The following CEBPZOS variants were observed in gnomAD, a reference collection of about 807,000 sequenced individuals.
CEBPZOS encodes the protein protein CEBPZOS.
Under a neutral mutation model 4.8 loss-of-function variants are expected in CEBPZOS, and 10 were observed. The observed-to-expected ratio is 2.07, with a 90% CI of 1.28 to 3.52. CEBPZOS has a LOEUF of 3.52. CEBPZOS is among the 30% of genes most tolerant of loss of function. The probability of loss-of-function intolerance (pLI) is 0.00; values close to 1 mark genes in which losing one functional copy is unlikely to be tolerated. For missense variants in CEBPZOS, 98 were observed against 43.6 expected (o/e 2.25, Z -3.51); for synonymous variants, 25 against 14.2 (o/e 1.77, Z -1.72).
intron 4 of CEBPZOS, chr2:37,212,225 T>TAAG (rs1677743320): frequency 4.6e-6 from 5 of 1,084,350 alleles, no homozygotes; most frequent in Non-Finnish European, 6.9e-6. Flanking sequence ...TTCCCAAACT[T>TAAG]ACTTGACTAC....
chr2:37,201,060 CAATG>C lies in CEBPZOS; in HGVS notation c.130_133del (p.Met44AlafsTer26). On this transcript the variant is annotated frameshift_variant, in exon 3 of 5. Transcript: ENST00000402297. LOFTEE classifies it high-confidence loss of function. ...TTTTTTCCATCAGATTTCAGGCAAA[CAATG>C]AGCAAGAAATATCCCTTCATCTTGG... The C allele has an allele frequency of 1.4e-6, 1 of 716,170 alleles. No homozygotes were observed. The highest frequency in any genetic ancestry group is 2.6e-6 in the Non-Finnish European group (1 of 384,702). 44.4% of individuals were successfully genotyped at this position (716,170 alleles called of 1,614,324 possible). A position where few individuals can be genotyped will look rare whatever the true frequency, so the allele number is the denominator to read the frequency against.
At chr2:37,200,520 T>G (rs1395778646) in intron 2 of CEBPZOS, among the ~76,000 whole-genome samples, 1 of 152,112 alleles carries the variant, frequency 6.6e-6, no homozygotes, top group Non-Finnish European at 1.5e-5. Context: ...TAAAAACAAA[T>G]TAAAGCTTGG....
chr2:37,197,995 A>C (rs561680441), intron 1 of CEBPZOS, among the ~76,000 whole-genome samples: 2 of 152,098 alleles, frequency 1.3e-5, no homozygotes, highest in African/African-American at 4.8e-5. Flanking sequence ...ATCCGTCTCT[A>C]CTAAAATACA....
At position 37,201,097 on chromosome 2, in the gene CEBPZOS, G is replaced by T; in HGVS notation, c.160+5G>T. ...AATATCCCTTCATCTTGGAAGGTAT[G>T]TTTTTCCTTAAGTAAAAATAAGTAT... On this transcript the variant is annotated splice_donor_5th_base_variant and intron_variant, in intron 3 of 4. Transcript: ENST00000402297. The T allele has an allele frequency of 1.4e-6, 1 of 714,178 alleles. No individual in the cohort carries two copies. The highest frequency in any genetic ancestry group is 1.5e-5 in the South Asian group (1 of 66,364). The allele number at this position is 714,178 out of a possible 1,614,324, so 44.2% of individuals were successfully genotyped here.
At chr2:37,198,964 G>A (rs762487819) in intron 1 of CEBPZOS, among the ~76,000 whole-genome samples, 2 of 151,782 alleles carry the variant, frequency 1.3e-5, no homozygotes, top group East Asian at 3.9e-4. Context: ...GACCAATCTG[G>A]GCAACATGGT....
rs1341400790 is a variant in CEBPZOS at position 37,199,704 on chromosome 2, G to T, written c.-1G>T. 4 of 716,282 alleles carry T rather than the reference G, an allele frequency of 5.6e-6. 1 individual carries two copies. Among genetic ancestry groups the T allele is most frequent in the South Asian group, 4.4e-5 (3 of 67,450 alleles). 44.4% of individuals were successfully genotyped at this position (716,282 alleles called of 1,614,324 possible). On this transcript the variant is annotated splice_region_variant and 5_prime_UTR_variant, in exon 2 of 5. Coordinates refer to ENST00000402297, the MANE Select transcript of CEBPZOS (RefSeq NM_001322374.2). Reference sequence around the variant, plus strand: ...TACACATATCTGTTGTTAAATTTAGGATGGCCCGTACTTTGGAACCACTAG... The same window carrying T: ...TACACATATCTGTTGTTAAATTTAGTATGGCCCGTACTTTGGAACCACTAG...
chr2:37,207,149 T>TA (rs895236521), downstream of CEBPZOS, among the ~76,000 whole-genome samples: 1 of 152,188 alleles, frequency 6.6e-6, no homozygotes, highest in Non-Finnish European at 1.5e-5. Flanking sequence ...TCCAAATTTA[T>TA]AAAACCATTA....
chr2:37,196,516 C>T lies in CEBPZOS; in HGVS notation c.-6C>T, dbSNP rs989774756. On this transcript the variant is annotated 5_prime_UTR_variant, in exon 1 of 5. Coordinates refer to ENST00000402297, the MANE Select transcript of CEBPZOS (RefSeq NM_001322374.2). ...CATGCGCAGTCCCCCTTGAACGCAC[C>T]TCAGGTAAGACTCTGGCGAGTGGCT... is the stretch of plus-strand genomic sequence containing the variant. The T allele has an allele frequency of 2.4e-4, 37 of 152,386 alleles. No individual in the cohort carries two copies. Among genetic ancestry groups the T allele is most frequent in the African/African-American group, 8.7e-4 (36 of 41,578 alleles). The allele number at this position is 152,386 out of a possible 1,614,324, so 9.4% of individuals were successfully genotyped here.
downstream of CEBPZOS, chr2:37,215,336 G>A (rs1473686575): frequency 6.4e-6 from 1 of 156,136 alleles, no homozygotes; most frequent in Non-Finnish European, 1.4e-5. Flanking sequence ...AAAATGACAA[G>A]CTTGCCATTA....
Position 37,201,942 on chromosome 2 carries a change from T to G in CEBPZOS, c.*82T>G. On this transcript the variant is annotated 3_prime_UTR_variant, in exon 5 of 5. Transcript: ENST00000402297. ...AGAAAAGATGAGTGTACTACCACAC[T>G]GTAGACTCTTGGTGGTCCCACAGAA... is the stretch of plus-strand genomic sequence containing the variant. 1 of 1,581,506 alleles carries G rather than the reference T, an allele frequency of 6.3e-7. No individual in the cohort carries two copies. The highest frequency in any genetic ancestry group is 8.6e-7 in the Non-Finnish European group (1 of 1,162,764).
chr2:37,200,703 G>T (rs1248823253), intron 2 of CEBPZOS, among the ~76,000 whole-genome samples: 1 of 151,666 alleles, frequency 6.6e-6, no homozygotes, highest in African/African-American at 2.4e-5. Flanking sequence ...TGCTCCTGTA[G>T]TCCCAGCTAC....
rs1677267658 is a variant in CEBPZOS, at chr2:37,201,984, A to C, written c.*124A>C. On this transcript the variant is annotated 3_prime_UTR_variant, in exon 5 of 5. Transcript: ENST00000402297. ...CCCACAGAACATGCTGCTGAGTCAC[A>C]GGAACTTCTAGCCTGCCTTGGCCTG... 1 of 1,362,708 alleles carries C rather than the reference A, an allele frequency of 7.3e-7. No homozygotes were observed. Among genetic ancestry groups the C allele is most frequent in the Non-Finnish European group, 1.0e-6 (1 of 992,208 alleles). 84.4% of individuals were successfully genotyped at this position (1,362,708 alleles called of 1,614,324 possible).
chr2:37,212,090 T>C, intron 4 of CEBPZOS: 3 of 1,501,350 alleles, frequency 2.0e-6, no homozygotes, highest in Non-Finnish European at 2.7e-6. Context: ...TTTTCTAAAG[T>C]AGTGTTTTGC....
At chr2:37,213,297 T>C (rs151076090) in intron 4 of CEBPZOS, 1 of 152,492 alleles carries the variant, frequency 6.6e-6, no homozygotes, top group African/African-American at 2.4e-5. Flanking sequence ...GCTGTAACAA[T>C]TGAATAGACT....
chr2:37,212,867 C>CA (rs749522819), intron 4 of CEBPZOS, among the ~76,000 whole-genome samples: 18,372 of 117,068 alleles, frequency 0.16, 1,387 homozygotes, highest in South Asian at 0.28. Context: ...ACAACAACAA[C>CA]AAAAAAAAAA....
At chr2:37,214,737 G>T, downstream of CEBPZOS, 1 of 485,968 alleles carries the variant, frequency 2.1e-6, no homozygotes, top group South Asian at 4.2e-5. Flanking sequence ...TTAAAACTAA[G>T]GCCACTTCTC....
In CEBPZOS at chr2:37,201,948, C is replaced by G; in HGVS notation, c.*88C>G. On this transcript the variant is annotated 3_prime_UTR_variant, in exon 5 of 5. Coordinates refer to ENST00000402297, the MANE Select transcript of CEBPZOS (RefSeq NM_001322374.2). ...GATGAGTGTACTACCACACTGTAGA[C>G]TCTTGGTGGTCCCACAGAACATGCT... The G allele has an allele frequency of 6.4e-7, 1 of 1,565,056 alleles. No homozygotes were observed. Among genetic ancestry groups the G allele is most frequent in the Non-Finnish European group, 8.7e-7 (1 of 1,154,090 alleles).
At chr2:37,212,932 G>T (rs142156281) in intron 4 of CEBPZOS, among the ~76,000 whole-genome samples, 1 of 150,154 alleles carries the variant, frequency 6.7e-6, no homozygotes, top group African/African-American at 2.5e-5. Flanking sequence ...CCAGCTACCC[G>T]TGGGGCTGAG....
downstream of CEBPZOS, among the ~76,000 whole-genome samples, chr2:37,206,201 A>G (rs1414992548): frequency 6.6e-6 from 1 of 152,224 alleles, no homozygotes; most frequent in Non-Finnish European, 1.5e-5. Flanking sequence ...CAGCTCCCAC[A>G]TGGATGGACA....
Sources: gnomAD v4.1 joint callset for allele counts (sites outside exome capture counted in the v4.1 genomes callset) on GRCh38, gnomAD v4.1.1 for gene constraint, MANE v1.5 for transcripts, NCBI Gene and HGNC (gene_info 2026-07-23, HGNC 2026-07-21) for gene names.